PRKG1: variants seen among roughly 807,000 people sequenced by gnomAD.
PRKG1 encodes the protein cGMP-dependent protein kinase 1.
In PRKG1, 35 loss-of-function variants were observed where a neutral mutation model predicts 88.1. The observed-to-expected ratio is 0.40, with a 90% CI of 0.30 to 0.53. The LOEUF (loss-of-function observed/expected upper bound fraction) is 0.53. PRKG1 is among the 20% of genes least tolerant of loss of function. PRKG1 has a pLI of 0.59. For synonymous variants in PRKG1, 303 were observed against 292.5 expected, an observed-to-expected ratio of 1.04 and a Z score of -0.37; for missense variants, 540 against 839.8, an observed-to-expected ratio of 0.64 and a Z score of 4.41.
At chr10:51,313,759 C>T (rs1208925410) in intron 2 of PRKG1, among the ~76,000 whole-genome samples, 2 of 152,078 alleles carry the variant, frequency 1.3e-5, no homozygotes, top group Non-Finnish European at 2.9e-5. Context: ...TTTCATATAA[C>T]CCAGAAACGT....
At chr10:51,547,652 G>C (rs982980024) in intron 3 of PRKG1, among the ~76,000 whole-genome samples, 1 of 151,956 alleles carries the variant, frequency 6.6e-6, no homozygotes, top group Admixed American at 6.6e-5. Context: ...ACGAGTAATG[G>C]TCTTTTAAAA....
chr10:51,621,985 G>T (rs1839222537), intron 3 of PRKG1, among the ~76,000 whole-genome samples: 1 of 152,150 alleles, frequency 6.6e-6, no homozygotes, highest in South Asian at 2.1e-4. Flanking sequence ...CTTGCCATCA[G>T]CCCTGAATAT....
intron 9 of PRKG1, among the ~76,000 whole-genome samples, chr10:52,222,784 C>G (rs1456815618): frequency 6.6e-6 from 1 of 152,164 alleles, no homozygotes; most frequent in African/African-American, 2.4e-5. Flanking sequence ...TTAGATAAAA[C>G]AGCTGTTTGT....
chr10:51,409,917 C>G (rs1838030967), intron 2 of PRKG1, among the ~76,000 whole-genome samples: 2 of 148,200 alleles, frequency 1.3e-5, no homozygotes, highest in Non-Finnish European at 3.0e-5. Context: ...CTCTAAAATC[C>G]TAGAGATCTC....
At chr10:51,729,491 G>T (rs557577427) in intron 3 of PRKG1, among the ~76,000 whole-genome samples, 1 of 151,934 alleles carries the variant, frequency 6.6e-6, no homozygotes, top group South Asian at 2.1e-4. Flanking sequence ...AGGCCAAGGC[G>T]GGCTCAGGAG....
At chr10:51,875,637 A>G (rs1246790166) in intron 4 of PRKG1, among the ~76,000 whole-genome samples, 1 of 152,198 alleles carries the variant, frequency 6.6e-6, no homozygotes, top group Non-Finnish European at 1.5e-5. Flanking sequence ...TTGACAAAGT[A>G]TCTTTCGACT....
chr10:52,256,653 T>C (rs1441157974), intron 10 of PRKG1, among the ~76,000 whole-genome samples: 1 of 139,798 alleles, frequency 7.2e-6, no homozygotes, highest in African/African-American at 2.5e-5. Context: ...ATGATAGTTC[T>C]TTTTATTTAT....
chr10:51,337,193 G>C (rs1181872231), intron 2 of PRKG1, among the ~76,000 whole-genome samples: 2 of 152,122 alleles, frequency 1.3e-5, no homozygotes, highest in Admixed American at 1.3e-4. Flanking sequence ...GGTGCTTAGA[G>C]AACTGGCTAG....
chr10:51,514,551 T>C (rs578046306), intron 3 of PRKG1, among the ~76,000 whole-genome samples: 2 of 152,216 alleles, frequency 1.3e-5, no homozygotes, highest in Non-Finnish European at 2.9e-5. Context: ...ATGGTAAATA[T>C]GCTTCTTAAA....
At chr10:51,794,025 A>G (rs928338547) in intron 3 of PRKG1, among the ~76,000 whole-genome samples, 1 of 152,138 alleles carries the variant, frequency 6.6e-6, no homozygotes, top group African/African-American at 2.4e-5. Context: ...CAGTCTCTCA[A>G]AGTGCTAGGA....
intron 7 of PRKG1, among the ~76,000 whole-genome samples, chr10:52,080,259 G>GCT (rs1846738103): frequency 6.6e-6 from 1 of 151,996 alleles, no homozygotes; most frequent in African/African-American, 2.4e-5. Context: ...ATAAGGTCCT[G>GCT]CTCATCCTTC....
At chr10:51,453,135 A>T (rs978617374) in intron 2 of PRKG1, among the ~76,000 whole-genome samples, 2 of 151,892 alleles carry the variant, frequency 1.3e-5, no homozygotes, top group Non-Finnish European at 2.9e-5. Context: ...ATTGGTTATA[A>T]TATCTCCCAT....
chr10:51,317,270 C>T (rs964325551), intron 2 of PRKG1, among the ~76,000 whole-genome samples: 1 of 152,186 alleles, frequency 6.6e-6, no homozygotes, highest in Non-Finnish European at 1.5e-5. Flanking sequence ...TCCCCTCTTA[C>T]AACCTACATA....
intron 3 of PRKG1, among the ~76,000 whole-genome samples, chr10:51,482,499 GC>G (rs11317978): frequency 0.66 from 100,233 of 151,938 alleles, 33,959 homozygotes; most frequent in East Asian, 0.88. Flanking sequence ...ACTGCCATTG[GC>G]CTGGCTCACT....
intron 9 of PRKG1, among the ~76,000 whole-genome samples, chr10:52,206,441 T>C (rs955369807): frequency 6.6e-6 from 1 of 152,206 alleles, no homozygotes; most frequent in Non-Finnish European, 1.5e-5. Context: ...TTAAGAACCA[T>C]TGCTTGGGAA....
intron 4 of PRKG1, among the ~76,000 whole-genome samples, chr10:51,882,826 A>C (rs1233079956): frequency 6.6e-6 from 1 of 152,218 alleles, no homozygotes; most frequent in Non-Finnish European, 1.5e-5. Context: ...AGACATGGTC[A>C]GATATGTATG....
intron 3 of PRKG1, chr10:51,698,540 G>A (rs534609906): frequency 1.9e-6 from 3 of 1,614,098 alleles, no homozygotes; most frequent in Admixed American, 1.7e-5. Flanking sequence ...CCCTCCACGT[G>A]GGTCATTTGG....
chr10:51,231,188 A>T (rs142166534), intron 2 of PRKG1, among the ~76,000 whole-genome samples: 3 of 152,308 alleles, frequency 2.0e-5, no homozygotes, highest in Admixed American at 2.0e-4. Context: ...AAATTGGGGA[A>T]GTTAAATTTT....
At chr10:51,131,454 G>A (rs1396215606) in intron 1 of PRKG1, among the ~76,000 whole-genome samples, 2 of 152,064 alleles carry the variant, frequency 1.3e-5, no homozygotes, top group Non-Finnish European at 2.9e-5. Flanking sequence ...CTATTAAAAC[G>A]GAAGATGATG....
Sources: gnomAD v4.1 joint callset for allele counts (sites outside exome capture counted in the v4.1 genomes callset) on GRCh38, gnomAD v4.1.1 for gene constraint, MANE v1.5 for transcripts, NCBI Gene and HGNC (gene_info 2026-07-23, HGNC 2026-07-21) for gene names.